The following ARHGEF3 variants were observed in gnomAD, a reference collection of about 807,000 sequenced individuals.
ARHGEF3 encodes the protein Rho guanine nucleotide exchange factor 3.
A neutral mutation model predicts 63.2 loss-of-function variants in ARHGEF3; 28 were observed. The ratio of observed to expected loss-of-function variants is 0.44; its 90% confidence interval spans 0.33 to 0.61. The LOEUF (loss-of-function observed/expected upper bound fraction) is 0.61, where lower values mean the gene tolerates loss of function less well. Among genes scored for constraint, ARHGEF3 ranks in the 20% least tolerant of loss-of-function variants. The pLI, the probability that ARHGEF3 is intolerant of heterozygous loss-of-function variation, is 0.03. For missense variants in ARHGEF3, 533 were observed against 659.3 expected (o/e 0.81, Z 2.10); for synonymous variants, 266 against 254.2 (o/e 1.05, Z -0.44).
At chr3:56,764,455 G>C (rs1188929215) in intron 2 of ARHGEF3, among the ~76,000 whole-genome samples, 2 of 152,098 alleles carry the variant, frequency 1.3e-5, no homozygotes, top group Admixed American at 1.3e-4. Flanking sequence ...CAAACTTCAG[G>C]CTTTATTATG....
At chr3:56,756,103 C>T (rs560297137) in intron 2 of ARHGEF3, among the ~76,000 whole-genome samples, 5 of 152,154 alleles carry the variant, frequency 3.3e-5, no homozygotes, top group Admixed American at 6.5e-5. Flanking sequence ...CCAAAGAGGC[C>T]GCAGAAGTCC....
chr3:57,031,510 T>C (rs1198591189), intron 2 of ARHGEF3, among the ~76,000 whole-genome samples: 1 of 152,148 alleles, frequency 6.6e-6, no homozygotes, highest in East Asian at 1.9e-4. Flanking sequence ...CTGACCAGCA[T>C]AGATTCATGG....
chr3:56,937,903 C>T (rs898676249), intron 3 of ARHGEF3, among the ~76,000 whole-genome samples: 20 of 152,226 alleles, frequency 1.3e-4, no homozygotes, highest in African/African-American at 2.4e-5. Flanking sequence ...CAGAGCTTTA[C>T]ACTTAACACA....
At chr3:56,820,990 CAAA>C in intron 4 of ARHGEF3, among the ~76,000 whole-genome samples, 1 of 131,950 alleles carries the variant, frequency 7.6e-6, no homozygotes, top group Middle Eastern at 3.8e-3. Flanking sequence ...TCCACCTCTA[CAAA>C]AAAAAAAAAA....
intron 1 of ARHGEF3, among the ~76,000 whole-genome samples, chr3:57,041,522 C>T (rs1038404975): frequency 6.6e-6 from 1 of 152,174 alleles, no homozygotes; most frequent in Non-Finnish European, 1.5e-5. Flanking sequence ...TTAACAAACA[C>T]TTTCACATAC....
At chr3:56,967,443 TA>T (rs1451849666) in intron 2 of ARHGEF3, among the ~76,000 whole-genome samples, 8 of 76,328 alleles carry the variant, frequency 1.0e-4, no homozygotes, top group African/African-American at 4.4e-4. Context: ...TATAATATAT[TA>T]TATATTATAC....
chr3:56,974,962 CCTT>C (rs1482894810), intron 2 of ARHGEF3, among the ~76,000 whole-genome samples: 2 of 152,156 alleles, frequency 1.3e-5, no homozygotes, highest in African/African-American at 2.4e-5. Flanking sequence ...GGCCCCTCCT[CCTT>C]GTTTGAAATA....
intron 1 of ARHGEF3, among the ~76,000 whole-genome samples, chr3:57,049,054 T>A (rs548545993): frequency 6.6e-6 from 1 of 152,296 alleles, no homozygotes; most frequent in South Asian, 2.1e-4. Context: ...CAAGGCTGGG[T>A]CTGGGAATCT....
chr3:56,947,873 T>A lies in ARHGEF3; in HGVS notation c.129+10950A>T, dbSNP rs539667578. Among the ~76,000 whole-genome samples, 10 of 152,276 alleles carry A rather than the reference T, an allele frequency of 6.6e-5. No individual in the cohort carries two copies. The South Asian group carries it at 2.1e-3, about 32-fold the overall frequency. The stretch of plus-strand genomic sequence containing the variant: ...CTTATTCCAAAATTGACCACATAGT[T>A]GGAAGTAAAGCACTCCTCAGCAAAT... On this transcript the variant is annotated intron_variant, in intron 3 of 12. Transcript: ENST00000338458.
intron 1 of ARHGEF3, among the ~76,000 whole-genome samples, chr3:57,059,560 T>C (rs1705110089): frequency 6.6e-6 from 1 of 152,000 alleles, no homozygotes; most frequent in Non-Finnish European, 1.5e-5. Flanking sequence ...CCAGGCTCCT[T>C]AATCAGTGAT....
At chr3:57,015,075 T>C (rs543693441) in intron 2 of ARHGEF3, among the ~76,000 whole-genome samples, 42 of 152,076 alleles carry the variant, frequency 2.8e-4, no homozygotes, top group African/African-American at 9.7e-4. Flanking sequence ...AAACCAGAGG[T>C]TGGCAGACTA....
intron 6 of ARHGEF3, among the ~76,000 whole-genome samples, chr3:56,750,007 G>A (rs986635212): frequency 2.6e-5 from 4 of 151,920 alleles, no homozygotes; most frequent in African/African-American, 9.7e-5. Context: ...CATAGCAACA[G>A]TAGGATTTAT....
At chr3:56,772,969 A>T (rs1048152758) in intron 2 of ARHGEF3, among the ~76,000 whole-genome samples, 1 of 152,192 alleles carries the variant, frequency 6.6e-6, no homozygotes, top group Non-Finnish European at 1.5e-5. Context: ...AGGTGAGCCG[A>T]GGTTAGAACC....
chr3:56,743,767 T>A (rs1465294210), intron 7 of ARHGEF3, among the ~76,000 whole-genome samples: 1 of 151,820 alleles, frequency 6.6e-6, no homozygotes, highest in East Asian at 1.9e-4. Flanking sequence ...TTGTCCCAGA[T>A]TAAATCAGAA....
intron 1 of ARHGEF3, among the ~76,000 whole-genome samples, chr3:56,796,072 A>G (rs2037346782): frequency 6.6e-6 from 1 of 152,102 alleles, no homozygotes; most frequent in Admixed American, 6.5e-5. Context: ...AGTCACGGCA[A>G]TTTCCTCATT....
intron 3 of ARHGEF3, among the ~76,000 whole-genome samples, chr3:56,892,003 C>A (rs528166133): frequency 1.3e-5 from 2 of 152,264 alleles, no homozygotes; most frequent in East Asian, 3.9e-4. Context: ...AAGGAAAGAT[C>A]CTCTTCTCCC....
intron 2 of ARHGEF3, among the ~76,000 whole-genome samples, chr3:57,026,574 T>C (rs1329877499): frequency 6.6e-6 from 1 of 152,190 alleles, no homozygotes; most frequent in Admixed American, 6.5e-5. Context: ...ATGATGTACA[T>C]GGTCTCCACC....
Position 56,853,812 on chromosome 3 carries a change from C to A in ARHGEF3, c.192+28480G>T, listed in dbSNP as rs143340935. 4.1e-3 allele frequency among the ~76,000 whole-genome samples: 629 copies of A among 152,304 alleles called. 1 individual carries two copies. Among genetic ancestry groups the A allele is most frequent in the African/African-American group, 0.014 (590 of 41,552 alleles). On this transcript the variant is annotated intron_variant, in intron 4 of 12. Transcript: ENST00000338458. ...ATGCCAGGCTTTGCAGGCACTTACA[C>A]GCCAAGTAAGAACATGGGCTCCTAT...
At chr3:56,853,826 A>G (rs1267236752) in intron 4 of ARHGEF3, among the ~76,000 whole-genome samples, 1 of 152,196 alleles carries the variant, frequency 6.6e-6, no homozygotes, top group Non-Finnish European at 1.5e-5. Context: ...AAGTAAGAAC[A>G]TGGGCTCCTA....
Sources: gnomAD v4.1 joint callset for allele counts (sites outside exome capture counted in the v4.1 genomes callset) on GRCh38, gnomAD v4.1.1 for gene constraint, MANE v1.5 for transcripts, NCBI Gene and HGNC (gene_info 2026-07-23, HGNC 2026-07-21) for gene names.